The following PDE7A variants were observed in gnomAD, a reference collection of about 807,000 sequenced individuals.
PDE7A encodes high affinity 3',5'-cyclic-AMP phosphodiesterase 7A.
A neutral mutation model predicts 64.3 loss-of-function variants in PDE7A; 39 were observed. That is an observed-to-expected ratio of 0.61 (90% CI 0.47 to 0.79). PDE7A has a LOEUF of 0.79. Ranked by LOEUF, PDE7A falls within the 30% of genes least tolerant of loss-of-function variation. PDE7A has a pLI of 0.00. For missense variants in PDE7A, 470 were observed against 582.8 expected, an observed-to-expected ratio of 0.81 and a Z score of 1.99; for synonymous variants, 203 against 206.8, an observed-to-expected ratio of 0.98 and a Z score of 0.16.
At chr8:65,733,148 G>GT (rs1160246888) in intron 7 of PDE7A, among the ~76,000 whole-genome samples, 1 of 152,136 alleles carries the variant, frequency 6.6e-6, no homozygotes, top group Non-Finnish European at 1.5e-5. Flanking sequence ...GATGAAAAGT[G>GT]TTTAAGTATT....
At chr8:65,763,029 G>GTGTGTGTC (rs1808590223) in intron 3 of PDE7A, among the ~76,000 whole-genome samples, 2 of 146,092 alleles carry the variant, frequency 1.4e-5, no homozygotes, top group African/African-American at 5.0e-5. Flanking sequence ...GTGTGTGTGT[G>GTGTGTGTC]TGTGTGTGTA....
At chr8:65,839,467 T>C (rs6987499) in intron 1 of PDE7A, among the ~76,000 whole-genome samples, 13,020 of 151,998 alleles carry the variant, frequency 0.086, 1,678 homozygotes, top group African/African-American at 0.28. Context: ...TGCTTTATTA[T>C]TAAATGATAT....
At chr8:65,798,206 A>ATATATATATATATATTT in intron 1 of PDE7A, among the ~76,000 whole-genome samples, 19 of 73,794 alleles carry the variant, frequency 2.6e-4, no homozygotes, top group East Asian at 7.3e-4. Flanking sequence ...ATATATATAT[A>ATATATATATATATATTT]TTTTTTTTTT....
intron 1 of PDE7A, among the ~76,000 whole-genome samples, chr8:65,829,820 A>C (rs905421724): frequency 6.6e-6 from 1 of 152,162 alleles, no homozygotes; most frequent in African/African-American, 2.4e-5. Flanking sequence ...CAGATGAATA[A>C]GGTATTATTT....
intron 4 of PDE7A, 100 bp downstream of exon 4, chr8:65,747,552 G>C: frequency 1.5e-6 from 1 of 663,394 alleles, no homozygotes; most frequent in Non-Finnish European, 2.3e-6. Context: ...GCTTTTCATA[G>C]ACAGAGAAAA....
chr8:65,721,109 G>A (rs1233810814), intron 12 of PDE7A, among the ~76,000 whole-genome samples: 1 of 151,696 alleles, frequency 6.6e-6, no homozygotes, highest in African/African-American at 2.4e-5. Context: ...CCATGGACCA[G>A]CCTCTCTCTT....
In PDE7A at chr8:65,715,913, C is replaced by T. The variant is rs1353392539; in HGVS notation, c.*3377G>A. On this transcript the variant is annotated 3_prime_UTR_variant, in exon 13 of 13. Coordinates refer to ENST00000401827, the MANE Select transcript of PDE7A (RefSeq NM_001242318.3). ...TGAGGCAGGAGAATGAGGAGAATGG[C>T]GTGAACCCGGGAGGCGGAACTTGCA... Among the ~76,000 whole-genome samples the T allele has an allele frequency of 1.4e-5, 2 of 140,198 alleles. No individual in the cohort carries two copies. Among genetic ancestry groups the T allele is most frequent in the East Asian group, 2.2e-4 (1 of 4,566 alleles). 92.0% of individuals were successfully genotyped at this position (140,198 alleles called of 152,430 possible).
At chr8:65,801,494 T>C (rs2128928146) in intron 1 of PDE7A, among the ~76,000 whole-genome samples, 1 of 152,090 alleles carries the variant, frequency 6.6e-6, no homozygotes, top group South Asian at 2.1e-4. Flanking sequence ...CATGGGTCAA[T>C]GGAACAAAAA....
intron 3 of PDE7A, among the ~76,000 whole-genome samples, chr8:65,755,171 C>T (rs762503366): frequency 6.6e-6 from 1 of 151,366 alleles, no homozygotes; most frequent in Non-Finnish European, 1.5e-5. Flanking sequence ...TAGGTGCATG[C>T]CACCACGCCC....
intron 2 of PDE7A, among the ~76,000 whole-genome samples, 168 bp from the exon 3 acceptor site, chr8:65,779,971 T>A (rs1333338667): frequency 6.6e-6 from 1 of 152,170 alleles, no homozygotes; most frequent in African/African-American, 2.4e-5. Context: ...GTTCACAAAA[T>A]CTCAGTAATT....
At chr8:65,792,781 A>G (rs1438065229) in intron 1 of PDE7A, among the ~76,000 whole-genome samples, 3 of 152,220 alleles carry the variant, frequency 2.0e-5, no homozygotes, top group African/African-American at 4.8e-5. Flanking sequence ...ACTAAAAACC[A>G]AGGCTTATTA....
At chr8:65,804,680 G>C (rs1185000648) in intron 1 of PDE7A, among the ~76,000 whole-genome samples, 1 of 151,696 alleles carries the variant, frequency 6.6e-6, no homozygotes, top group Admixed American at 6.6e-5. Context: ...CAGGATTACA[G>C]GCATGTGCCA....
intron 5 of PDE7A, among the ~76,000 whole-genome samples, chr8:65,742,986 C>T (rs1039124353): frequency 6.6e-6 from 1 of 152,232 alleles, no homozygotes; most frequent in Non-Finnish European, 1.5e-5. Flanking sequence ...ATCCAGTGCA[C>T]TGCTGAGCTC....
intron 1 of PDE7A, among the ~76,000 whole-genome samples, chr8:65,797,341 T>G (rs911375563): frequency 6.6e-6 from 1 of 152,198 alleles, no homozygotes; most frequent in African/African-American, 2.4e-5. Flanking sequence ...ACAGGGAAAT[T>G]TGGACAGACC....
At position 65,714,488 on chromosome 8, in the gene PDE7A, G is replaced by T. The variant is rs1806054329; in HGVS notation, c.*4802C>A. On this transcript the variant is annotated 3_prime_UTR_variant, in exon 13 of 13. Transcript: ENST00000401827. ...CACCTGTAGACCATGGGCTCTTGGG[G>T]GCCTTCCAGATGACACAAGTCATTA... is the stretch of plus-strand genomic sequence containing the variant. 1 of 151,946 alleles carries T rather than the reference G, an allele frequency of 6.6e-6. No individual in the cohort carries two copies. The highest frequency in any genetic ancestry group is 2.4e-5 in the African/African-American group (1 of 41,348). The allele number at this position is 151,946 out of a possible 1,614,324, so 9.4% of individuals were successfully genotyped here. A position where few individuals can be genotyped will look rare whatever the true frequency, so the allele number is the denominator to read the frequency against.
At chr8:65,810,903 C>T (rs1810244434) in intron 1 of PDE7A, among the ~76,000 whole-genome samples, 1 of 152,104 alleles carries the variant, frequency 6.6e-6, no homozygotes, top group South Asian at 2.1e-4. Flanking sequence ...TAATATACAA[C>T]TGATTTACAA....
At chr8:65,769,877 C>T (rs951976459) in intron 3 of PDE7A, among the ~76,000 whole-genome samples, 2 of 152,096 alleles carry the variant, frequency 1.3e-5, no homozygotes, top group African/African-American at 2.4e-5. Flanking sequence ...GCCTGGGTGA[C>T]AAGAGTGAAA....
chr8:65,747,966 AT>A (rs954388025), intron 3 of PDE7A, among the ~76,000 whole-genome samples, 163 bp from the exon 4 acceptor site: 68 of 152,174 alleles, frequency 4.5e-4, no homozygotes, highest in African/African-American at 1.4e-3. Flanking sequence ...ATTTTATTTT[AT>A]TTTTTTAAGT....
chr8:65,757,715 T>C (rs149250743), intron 3 of PDE7A, among the ~76,000 whole-genome samples: 5,994 of 152,246 alleles, frequency 0.039, 175 homozygotes, highest in Non-Finnish European at 0.06. Flanking sequence ...GCTTCCCGGG[T>C]CCAAGTGATT....
Sources: gnomAD v4.1 joint callset for allele counts (sites outside exome capture counted in the v4.1 genomes callset) on GRCh38, gnomAD v4.1.1 for gene constraint, MANE v1.5 for transcripts, NCBI Gene and HGNC (gene_info 2026-07-23, HGNC 2026-07-21) for gene names.